Variants in CIAO2A observed in about 807,000 individuals in gnomAD.
CIAO2A encodes MIP18 family protein FAM96A.
In CIAO2A, 17 loss-of-function variants were observed where a neutral mutation model predicts 22.4. The observed-to-expected ratio is 0.76, with a 90% CI of 0.52 to 1.14. CIAO2A has a LOEUF of 1.14. Among genes scored for constraint, CIAO2A ranks in the 50% most tolerant of loss-of-function variants. The pLI is 0.00. For missense variants in CIAO2A, 192 were observed against 191.4 expected, an observed-to-expected ratio of 1.00 and a Z score of -0.02; for synonymous variants, 74 against 72.3, an observed-to-expected ratio of 1.02 and a Z score of -0.12.
rs192065677 is a variant in CIAO2A at position 64,072,803 on chromosome 15, A to G, written c.*128T>C. 2 of 576,366 alleles carry G rather than the reference A, an allele frequency of 3.5e-6. No homozygotes were observed. The highest frequency in any genetic ancestry group is 2.9e-5 in the East Asian group (1 of 34,912). The allele number at this position is 576,366 out of a possible 1,614,324, so 35.7% of individuals were successfully genotyped here. On this transcript the variant is annotated 3_prime_UTR_variant, in exon 5 of 5. Transcript: ENST00000300030. ...TACCTTATAATTAAATCTCGCTTGG[A>G]AAGAATCCTTTAAAAAATACTCTGA...
intron 2 of CIAO2A, among the ~76,000 whole-genome samples, chr15:64,083,853 G>C (rs1396274824): frequency 6.6e-6 from 1 of 151,882 alleles, no homozygotes; most frequent in East Asian, 1.9e-4. Context: ...CGAGGCACGA[G>C]AATCGCTTGA....
At chr15:64,073,074 T>C (rs777378656) in intron 4 of CIAO2A, 46 bp from the exon 5 acceptor site, 66 of 1,306,050 alleles carry the variant, frequency 5.1e-5, no homozygotes, top group Non-Finnish European at 6.9e-5. Flanking sequence ...TGTGTCAATA[T>C]ACAGCACCAG....
chr15:64,093,799 C>T lies in CIAO2A; in HGVS notation c.-31G>A, dbSNP rs774851101. ...CGCTCAGCCATCCCTGGCGACTGTCCCAATCGCGCCACCGTCTCTCAGCAG... is the reference window on the plus strand; with the variant it reads ...CGCTCAGCCATCCCTGGCGACTGTCTCAATCGCGCCACCGTCTCTCAGCAG... On this transcript the variant is annotated 5_prime_UTR_variant, in exon 1 of 5. Coordinates refer to ENST00000300030, the MANE Select transcript of CIAO2A (RefSeq NM_032231.7). 3.1e-6 allele frequency: 5 copies of T among 1,600,054 alleles called. No homozygotes were observed. The highest frequency in any genetic ancestry group is 2.2e-5 in the East Asian group (1 of 44,534).
chr15:64,090,785 GGACAAT>G (rs1311622353), intron 1 of CIAO2A, among the ~76,000 whole-genome samples: 1 of 152,184 alleles, frequency 6.6e-6, no homozygotes, highest in Non-Finnish European at 1.5e-5. Context: ...GACATGAAAA[GGACAAT>G]GACTTTATAA....
intron 1 of CIAO2A, among the ~76,000 whole-genome samples, chr15:64,091,974 G>A (rs1017691806): frequency 2.0e-5 from 3 of 150,950 alleles, no homozygotes; most frequent in Non-Finnish European, 3.0e-5. Flanking sequence ...GTGGGAGGAT[G>A]GCTTGAGCCC....
chr15:64,092,157 T>G (rs891285413), intron 1 of CIAO2A, among the ~76,000 whole-genome samples: 3 of 151,994 alleles, frequency 2.0e-5, no homozygotes, highest in Non-Finnish European at 4.4e-5. Flanking sequence ...ACTATTAAAA[T>G]TCTTCATTTA....
intron 2 of CIAO2A, among the ~76,000 whole-genome samples, chr15:64,083,472 T>C (rs1236336236): frequency 2.0e-5 from 3 of 152,190 alleles, no homozygotes; most frequent in Admixed American, 1.3e-4. Context: ...TCCTTGTCAA[T>C]CACTTACCAA....
At chr15:64,080,506 C>G (rs1331651087) in intron 3 of CIAO2A, among the ~76,000 whole-genome samples, 1 of 152,110 alleles carries the variant, frequency 6.6e-6, no homozygotes, top group Non-Finnish European at 1.5e-5. Flanking sequence ...TATGGTGAAA[C>G]CCCGTCTCTA....
chr15:64,073,067 G>T, intron 4 of CIAO2A, 39 bp from the exon 5 acceptor site: 1 of 1,366,358 alleles, frequency 7.3e-7, no homozygotes, highest in Non-Finnish European at 1.0e-6. Context: ...GAAGAACTGT[G>T]TCAATATACA....
At chr15:64,073,625 A>G (rs184020526) in intron 4 of CIAO2A, among the ~76,000 whole-genome samples, 16 of 152,324 alleles carry the variant, frequency 1.1e-4, no homozygotes, top group African/African-American at 3.4e-4. Context: ...TCTTTGAGAC[A>G]GGGTCCTGCT....
chr15:64,087,633 G>T (rs2080808072), intron 2 of CIAO2A, among the ~76,000 whole-genome samples: 1 of 152,198 alleles, frequency 6.6e-6, no homozygotes. Context: ...GGGAACCCAG[G>T]TCAACCAGTG....
At chr15:64,077,535 G>A (rs2080728211) in intron 3 of CIAO2A, among the ~76,000 whole-genome samples, 1 of 152,092 alleles carries the variant, frequency 6.6e-6, no homozygotes, top group Admixed American at 6.6e-5. Flanking sequence ...ACCAATAATG[G>A]GACAAACTGA....
intron 2 of CIAO2A, among the ~76,000 whole-genome samples, chr15:64,083,663 C>A (rs2080772507): frequency 1.3e-5 from 2 of 152,122 alleles, no homozygotes; most frequent in Non-Finnish European, 2.9e-5. Context: ...AACCAATAGG[C>A]CGGGTGTGGC....
intron 3 of CIAO2A, among the ~76,000 whole-genome samples, chr15:64,076,849 A>C (rs1016092213): frequency 9.5e-5 from 14 of 147,830 alleles, no homozygotes; most frequent in Admixed American, 3.5e-4. Flanking sequence ...CTCAGCTCCC[A>C]CACTCCCACC....
Position 64,073,031 on chromosome 15 carries a change from G to A in CIAO2A, c.386-3C>T. 6.2e-7 allele frequency: 1 copy of A among 1,605,092 alleles called. No homozygotes were observed. The highest frequency in any genetic ancestry group is 8.5e-7 in the Non-Finnish European group (1 of 1,172,394). ...TTTGTCATTTATCTGCTTATTGACT[G>A]AAAAATACACAGACAAAAGTTAGCA... On this transcript the variant is annotated splice_polypyrimidine_tract_variant and splice_region_variant and intron_variant, in intron 4 of 4. Coordinates refer to ENST00000300030, the MANE Select transcript of CIAO2A (RefSeq NM_032231.7).
intron 2 of CIAO2A, among the ~76,000 whole-genome samples, chr15:64,086,915 ATT>A (rs1016662724): frequency 7.3e-6 from 1 of 136,336 alleles, no homozygotes. Context: ...GCCAATGGGA[ATT>A]TTTTTTTTTT....
In CIAO2A at chr15:64,081,215, C is replaced by T. The variant is rs372090643; in HGVS notation, c.290-64G>A. 2.8e-4 allele frequency: 429 copies of T among 1,506,658 alleles called. 2 individuals carry two copies. Among genetic ancestry groups the T allele is most frequent in the Middle Eastern group, 2.7e-3 (16 of 5,844 alleles). 93.3% of individuals were successfully genotyped at this position (1,506,658 alleles called of 1,614,324 possible). On this transcript the variant is annotated intron_variant, in intron 2 of 4. Coordinates refer to ENST00000300030, the MANE Select transcript of CIAO2A (RefSeq NM_032231.7). ...TGCTTCTTATTGGTTCTTGAAAAAG[C>T]ATACAACTGCGTTTATGTGCCCCCA...
At chr15:64,088,565 T>C (rs1213502832) in intron 2 of CIAO2A, 122 bp downstream of exon 2, 2 of 710,586 alleles carry the variant, frequency 2.8e-6, no homozygotes, top group Admixed American at 3.4e-5. Flanking sequence ...CTGTAAACCA[T>C]AAAGTGTAAT....
At position 64,072,628 on chromosome 15, in the gene CIAO2A, T is replaced by C. The variant is rs897680224; in HGVS notation, c.*303A>G. ...TTAAATTGAGTACATTTGGGCACAGTAGATATTTGACACGAAAAATAGTTG... is the reference window on the plus strand; with the variant it reads ...TTAAATTGAGTACATTTGGGCACAGCAGATATTTGACACGAAAAATAGTTG... On this transcript the variant is annotated 3_prime_UTR_variant, in exon 5 of 5. Transcript: ENST00000300030. 3.1e-5 allele frequency: 7 copies of C among 227,476 alleles called. No homozygotes were observed. Among genetic ancestry groups the C allele is most frequent in the Admixed American group, 1.1e-4 (2 of 17,740 alleles). The allele number at this position is 227,476 out of a possible 1,614,324, so 14.1% of individuals were successfully genotyped here.
Sources: gnomAD v4.1 joint callset for allele counts (sites outside exome capture counted in the v4.1 genomes callset) on GRCh38, gnomAD v4.1.1 for gene constraint, MANE v1.5 for transcripts, NCBI Gene and HGNC (gene_info 2026-07-23, HGNC 2026-07-21) for gene names.